The following NTM variants were observed in gnomAD, a reference collection of about 807,000 sequenced individuals.
NTM encodes the protein neurotrimin.
Under a neutral mutation model 42.1 loss-of-function variants are expected in NTM, and 13 were observed. That is an observed-to-expected ratio of 0.31 (90% CI 0.20 to 0.49). The LOEUF is 0.49. Ranked by LOEUF, NTM falls within the 20% of genes least tolerant of loss-of-function variation. The pLI, the probability that NTM is intolerant of heterozygous loss-of-function variation, is 0.99. For missense variants in NTM, 373 were observed against 452.8 expected (o/e 0.82, Z 1.60); for synonymous variants, 187 against 179.2 (o/e 1.04, Z -0.35).
rs145016834 is a variant in NTM at position 131,990,546 on chromosome 11, A to G, written c.167+78898A>G. On this transcript the variant is annotated intron_variant, in intron 2 of 8. Transcript: ENST00000683400. ...GTGTGTCTATAATGTGTGTGTGTCT[A>G]TAAATCCAGGTTCCTTCAGTCTTAC... 8.4e-4 allele frequency among the ~76,000 whole-genome samples: 128 copies of G among 151,978 alleles called. No individual in the cohort carries two copies. The Middle Eastern group carries it at 0.01, about 12-fold the overall frequency.
intron 1 of NTM, among the ~76,000 whole-genome samples, chr11:131,544,714 ATG>A (rs2053697887): frequency 6.6e-6 from 1 of 152,152 alleles, no homozygotes; most frequent in Non-Finnish European, 1.5e-5. Context: ...AAGTTGGAGA[ATG>A]TTTTATTTCC....
chr11:132,167,617 T>C (rs2075477726), intron 3 of NTM, among the ~76,000 whole-genome samples: 1 of 152,230 alleles, frequency 6.6e-6, no homozygotes, highest in African/African-American at 2.4e-5. Context: ...ACATATTGGC[T>C]TCAGTTGTCT....
chr11:131,542,431 G>A (rs535019784), intron 1 of NTM, among the ~76,000 whole-genome samples: 14 of 152,242 alleles, frequency 9.2e-5, no homozygotes, highest in East Asian at 7.7e-4. Context: ...TTTTCCAGAC[G>A]CTCCCATGGG....
chr11:131,863,029 C>T (rs893614594), intron 1 of NTM, among the ~76,000 whole-genome samples: 4 of 152,186 alleles, frequency 2.6e-5, no homozygotes, highest in Admixed American at 2.0e-4. Context: ...CATTCTTCAG[C>T]CAGGGTCTCT....
chr11:132,204,768 T>G (rs984516323), intron 3 of NTM, among the ~76,000 whole-genome samples: 1 of 152,136 alleles, frequency 6.6e-6, no homozygotes, highest in Admixed American at 6.5e-5. Context: ...GATTCATCTC[T>G]CCGTTCAGTG....
chr11:131,949,328 T>C (rs556738915), intron 2 of NTM, among the ~76,000 whole-genome samples: 2 of 152,340 alleles, frequency 1.3e-5, no homozygotes, highest in East Asian at 1.9e-4. Flanking sequence ...TAATATGTTA[T>C]GTACATTTAT....
intron 1 of NTM, among the ~76,000 whole-genome samples, chr11:131,548,174 G>A (rs1204828793): frequency 6.6e-6 from 1 of 152,174 alleles, no homozygotes; most frequent in African/African-American, 2.4e-5. Flanking sequence ...ACAGGGCTTA[G>A]ATTTTACTTG....
At chr11:132,054,200 G>A (rs1164760125) in intron 2 of NTM, among the ~76,000 whole-genome samples, 1 of 152,212 alleles carries the variant, frequency 6.6e-6, no homozygotes, top group Non-Finnish European at 1.5e-5. Context: ...GGGCAAAAGA[G>A]TGAGACTGTC....
intron 1 of NTM, among the ~76,000 whole-genome samples, chr11:131,478,497 G>C (rs932439888): frequency 6.6e-6 from 1 of 152,058 alleles, no homozygotes; most frequent in Non-Finnish European, 1.5e-5. Flanking sequence ...CACATAACTA[G>C]GAGACTCTTG....
intron 1 of NTM, among the ~76,000 whole-genome samples, chr11:131,426,394 C>T (rs1393208318): frequency 6.6e-6 from 1 of 152,092 alleles, no homozygotes; most frequent in Non-Finnish European, 1.5e-5. Flanking sequence ...ACCCTGAGCT[C>T]CTCCACACAC....
chr11:132,161,918 C>T (rs1167748311), intron 3 of NTM, among the ~76,000 whole-genome samples: 1 of 152,212 alleles, frequency 6.6e-6, no homozygotes, highest in African/African-American at 2.4e-5. Flanking sequence ...TTAATAAGCA[C>T]ATCTTGAAAT....
chr11:131,612,476 A>G (rs116382790), intron 1 of NTM, among the ~76,000 whole-genome samples: 2,091 of 152,330 alleles, frequency 0.014, 47 homozygotes, highest in African/African-American at 0.047. Flanking sequence ...TGCGTCACCA[A>G]TCTATTGAAA....
chr11:131,892,008 T>C (rs1342896372), intron 1 of NTM, among the ~76,000 whole-genome samples: 1 of 152,206 alleles, frequency 6.6e-6, no homozygotes, highest in African/African-American at 2.4e-5. Flanking sequence ...CTTGTATTTA[T>C]TAAGCTACAG....
Position 131,933,700 on chromosome 11 carries a change from G to A in NTM, c.167+22052G>A, listed in dbSNP as rs115463295. Among the ~76,000 whole-genome samples, 827 of 152,040 alleles carry A rather than the reference G, an allele frequency of 5.4e-3. 7 individuals are homozygous for A. Among genetic ancestry groups the A allele is most frequent in the African/African-American group, 0.019 (794 of 41,436 alleles). Reference sequence around the variant, plus strand: ...TCAAAGCTTCTTAACCTATACCCAAGCAGAATAAGGAGAGGAAGAATCTGT... The same window carrying A: ...TCAAAGCTTCTTAACCTATACCCAAACAGAATAAGGAGAGGAAGAATCTGT... On this transcript the variant is annotated intron_variant, in intron 2 of 8. Transcript: ENST00000683400.
At chr11:131,965,454 C>A (rs1236097104) in intron 2 of NTM, among the ~76,000 whole-genome samples, 1 of 152,108 alleles carries the variant, frequency 6.6e-6, no homozygotes, top group Non-Finnish European at 1.5e-5. Flanking sequence ...TGCTTGAATG[C>A]CAACTACATG....
At chr11:132,325,683 C>T (rs371648648) in intron 7 of NTM, among the ~76,000 whole-genome samples, 1 of 152,098 alleles carries the variant, frequency 6.6e-6, no homozygotes, top group African/African-American at 2.4e-5. Flanking sequence ...ACCCAAAGGA[C>T]TATAAATCAT....
chr11:131,691,777 G>A (rs2074786418), intron 1 of NTM, among the ~76,000 whole-genome samples: 1 of 152,216 alleles, frequency 6.6e-6, no homozygotes, highest in Non-Finnish European at 1.5e-5. Context: ...AGCGGTCCCG[G>A]GGCTGGGAGG....
At chr11:131,694,302 A>G (rs776181729) in intron 1 of NTM, among the ~76,000 whole-genome samples, 1 of 152,232 alleles carries the variant, frequency 6.6e-6, no homozygotes, top group Non-Finnish European at 1.5e-5. Flanking sequence ...CTCTTCCTCT[A>G]GTTCTCAAGC....
At chr11:132,200,662 G>A (rs770232519) in intron 3 of NTM, among the ~76,000 whole-genome samples, 9 of 152,288 alleles carry the variant, frequency 5.9e-5, no homozygotes, top group African/African-American at 1.4e-4. Flanking sequence ...TGAGCTTGGC[G>A]CTGTTGGCAG....
Sources: gnomAD v4.1 joint callset for allele counts (sites outside exome capture counted in the v4.1 genomes callset) on GRCh38, gnomAD v4.1.1 for gene constraint, MANE v1.5 for transcripts, NCBI Gene and HGNC (gene_info 2026-07-23, HGNC 2026-07-21) for gene names.